MRPL1: variants seen among roughly 807,000 people sequenced by gnomAD.
MRPL1 encodes the protein mitochondrial ribosomal protein L1.
In MRPL1, 28 loss-of-function variants were observed where a neutral mutation model predicts 38.0. That is an observed-to-expected ratio of 0.74 (90% confidence interval 0.55 to 1.01). The LOEUF is 1.01. MRPL1 is among the 50% of genes least tolerant of loss of function. MRPL1 has a pLI of 0.00. For synonymous variants in MRPL1, 123 were observed against 126.7 expected (o/e 0.97, Z 0.20); for missense variants, 358 against 389.8 (o/e 0.92, Z 0.69).
intron 1 of MRPL1, 69 bp from the exon 2 acceptor site, chr4:77,871,673 CTT>C: frequency 2.8e-6 from 2 of 710,674 alleles, no homozygotes; most frequent in Non-Finnish European, 4.5e-6. Context: ...AAAGTACTGA[CTT>C]TTAAAATTAA....
In MRPL1 at chr4:77,952,508, T is replaced by A. The variant is rs899110259; in HGVS notation, c.879T>A (p.Ala293=). ...PLNLGPFVVR[A]FLRSSTSEGL... ...TTCCAGGTCCCTTTGTGGTACGTGC[T>A]TTCCTTCGTAGTTCAACAAGTGAAG... is the stretch of plus-strand genomic sequence containing the variant. The change falls in exon 9 of 9, where the codon GCT becomes GCA. Residue 293 remains alanine (A), a synonymous_variant. Transcript: ENST00000315567. 2.5e-6 allele frequency: 4 copies of A among 1,612,978 alleles called. No homozygotes were observed. The African/African-American group carries it at 5.3e-5, about 22-fold the overall frequency.
At chr4:77,891,671 G>A (rs1735809967) in intron 5 of MRPL1, among the ~76,000 whole-genome samples, 1 of 152,116 alleles carries the variant, frequency 6.6e-6, no homozygotes, top group African/African-American at 2.4e-5. Flanking sequence ...ACCACACCTG[G>A]CCTTTGGTTC....
At chr4:77,936,329 A>C (rs1311248561) in intron 7 of MRPL1, among the ~76,000 whole-genome samples, 3 of 152,014 alleles carry the variant, frequency 2.0e-5, no homozygotes, top group Non-Finnish European at 4.4e-5. Flanking sequence ...ATTCAACTTT[A>C]TTTCTTTTGT....
chr4:77,939,511 T>C (rs570452885), intron 7 of MRPL1, among the ~76,000 whole-genome samples: 9 of 152,336 alleles, frequency 5.9e-5, no homozygotes, highest in African/African-American at 2.2e-4. Context: ...CTGCTGATTG[T>C]TTCTTTTGCT....
intron 7 of MRPL1, among the ~76,000 whole-genome samples, chr4:77,935,714 G>T (rs1393277692): frequency 6.6e-6 from 1 of 152,054 alleles, no homozygotes; most frequent in African/African-American, 2.4e-5. Flanking sequence ...TTCTTATATT[G>T]CTTTATATCT....
chr4:77,900,708 T>G (rs1736011729), intron 6 of MRPL1, among the ~76,000 whole-genome samples: 1 of 152,184 alleles, frequency 6.6e-6, no homozygotes, highest in Admixed American at 6.5e-5. Flanking sequence ...CCATGGAGAT[T>G]AGATTTTATC....
chr4:77,923,056 G>T (rs917919880), intron 7 of MRPL1, among the ~76,000 whole-genome samples: 6 of 152,188 alleles, frequency 3.9e-5, no homozygotes, highest in African/African-American at 1.4e-4. Context: ...TTTTAAAAGA[G>T]GTTTGATATT....
At chr4:77,920,951 G>T (rs4473672) in intron 7 of MRPL1, among the ~76,000 whole-genome samples, 22,438 of 152,054 alleles carry the variant, frequency 0.15, 1,893 homozygotes, top group South Asian at 0.25. Flanking sequence ...TTTTAGTAGA[G>T]ATGGGGTTTC....
At position 77,929,769 on chromosome 4, in the gene MRPL1, T is replaced by TAAA. The variant is rs386400570; in HGVS notation, c.778-20019_778-20017dup. ...TAGAACCCCTTTAAAGGGTTTTATT[T>TAAA]AAAAAAAAAAATAGAAGAATAATAT... On this transcript the variant is annotated intron_variant, in intron 7 of 8. Coordinates refer to ENST00000315567, the MANE Select transcript of MRPL1 (RefSeq NM_020236.4). Among the ~76,000 whole-genome samples the TAAA allele has an allele frequency of 6.7e-3, 1,000 of 150,096 alleles. 6 individuals are homozygous for TAAA. Among genetic ancestry groups the TAAA allele is most frequent in the South Asian group, 0.011 (52 of 4,762 alleles).
At chr4:77,945,123 C>T (rs1560477008) in intron 7 of MRPL1, among the ~76,000 whole-genome samples, 1 of 138,632 alleles carries the variant, frequency 7.2e-6, no homozygotes, top group East Asian at 2.2e-4. Context: ...CAGAGCTGCA[C>T]CATCAATTAT....
intron 6 of MRPL1, among the ~76,000 whole-genome samples, chr4:77,906,056 A>G (rs1736150755): frequency 6.6e-6 from 1 of 152,216 alleles, no homozygotes. Context: ...TCTGCATGAG[A>G]TCAGTCAGGG....
chr4:77,921,117 A>C (rs1408330554), intron 7 of MRPL1, among the ~76,000 whole-genome samples: 1 of 152,160 alleles, frequency 6.6e-6, no homozygotes, highest in East Asian at 1.9e-4. Flanking sequence ...AAAAGTTAAA[A>C]AACTTTTCAG....
intron 2 of MRPL1, among the ~76,000 whole-genome samples, chr4:77,877,923 C>T (rs954840464): frequency 7.2e-5 from 11 of 152,038 alleles, no homozygotes; most frequent in South Asian, 2.1e-4. Context: ...GGGGACGGCG[C>T]GCTTCTAATC....
intron 7 of MRPL1, among the ~76,000 whole-genome samples, chr4:77,918,150 G>A (rs1341058985): frequency 6.6e-6 from 1 of 152,080 alleles, no homozygotes; most frequent in East Asian, 1.9e-4. Flanking sequence ...GGAACAAGTA[G>A]GTCAAGGATG....
intron 5 of MRPL1, among the ~76,000 whole-genome samples, chr4:77,889,195 A>G (rs1468923191): frequency 6.6e-6 from 1 of 152,196 alleles, no homozygotes; most frequent in Non-Finnish European, 1.5e-5. Context: ...TCAGCACCAC[A>G]TTGCACTTAT....
intron 7 of MRPL1, among the ~76,000 whole-genome samples, chr4:77,919,928 T>C (rs1736526545): frequency 6.6e-6 from 1 of 151,966 alleles, no homozygotes; most frequent in East Asian, 1.9e-4. Flanking sequence ...GTTTCATAAA[T>C]ATAGAAGCAC....
intron 7 of MRPL1, among the ~76,000 whole-genome samples, chr4:77,948,748 T>A (rs1436373167): frequency 6.6e-6 from 1 of 152,010 alleles, no homozygotes; most frequent in Non-Finnish European, 1.5e-5. Context: ...CTACTATAAT[T>A]TTATATGAAT....
chr4:77,912,819 C>T (rs1736319936), intron 7 of MRPL1, among the ~76,000 whole-genome samples: 1 of 152,014 alleles, frequency 6.6e-6, no homozygotes, highest in Non-Finnish European at 1.5e-5. Flanking sequence ...GTAATTAAGA[C>T]AATGTGGTAT....
chr4:77,866,391 A>G (rs577344522), intron 1 of MRPL1, among the ~76,000 whole-genome samples: 7 of 152,236 alleles, frequency 4.6e-5, no homozygotes, highest in Non-Finnish European at 1.0e-4. Context: ...ACTTTGGGGT[A>G]TTAGTGATAA....
Sources: gnomAD v4.1 joint callset for allele counts (sites outside exome capture counted in the v4.1 genomes callset) on GRCh38, gnomAD v4.1.1 for gene constraint, MANE v1.5 for transcripts, NCBI Gene and HGNC (gene_info 2026-07-23, HGNC 2026-07-21) for gene names.